The following PABPC4L variants were observed in gnomAD, a reference collection of about 807,000 sequenced individuals.
The protein encoded by PABPC4L is polyadenylate-binding protein 4-like.
For synonymous variants in PABPC4L, 169 were observed against 164.1 expected (o/e 1.03, Z -0.23); for missense variants, 452 against 451.4 (o/e 1.00, Z -0.01).
chr4:134,175,527 C>A, the PABPC4L span, among the ~76,000 whole-genome samples: 1 of 152,090 alleles, frequency 6.6e-6, no homozygotes, highest in Non-Finnish European at 1.5e-5. Flanking sequence ...CGGCTCACTG[C>A]AACCTCCGCC....
At chr4:134,085,462 C>G in the PABPC4L span, among the ~76,000 whole-genome samples, 1 of 151,942 alleles carries the variant, frequency 6.6e-6, no homozygotes, top group African/African-American at 2.4e-5. Flanking sequence ...CGCACTAACG[C>G]AAAGTCACAA....
chr4:134,058,245 A>G, the PABPC4L span, among the ~76,000 whole-genome samples: 1 of 152,080 alleles, frequency 6.6e-6, no homozygotes, highest in Admixed American at 6.6e-5. Context: ...ACTTAAATAA[A>G]TTGAGAAGAA....
the PABPC4L span, among the ~76,000 whole-genome samples, chr4:133,961,824 C>A: frequency 6.6e-6 from 1 of 152,162 alleles, no homozygotes; most frequent in South Asian, 2.1e-4. Context: ...TCCATTGCCG[C>A]TCCCAATCAG....
chr4:134,004,758 C>T, the PABPC4L span, among the ~76,000 whole-genome samples: 1 of 151,756 alleles, frequency 6.6e-6, no homozygotes, highest in Non-Finnish European at 1.5e-5. Context: ...GCTATATATA[C>T]ACAATAGAAT....
the PABPC4L span, among the ~76,000 whole-genome samples, chr4:134,074,795 C>T: frequency 6.6e-6 from 1 of 152,020 alleles, no homozygotes; most frequent in Non-Finnish European, 1.5e-5. Flanking sequence ...TGGAAAAGTC[C>T]CTCATAAAAC....
At chr4:134,098,971 T>C in the PABPC4L span, among the ~76,000 whole-genome samples, 1 of 151,588 alleles carries the variant, frequency 6.6e-6, no homozygotes, top group Non-Finnish European at 1.5e-5. Flanking sequence ...TATTGACTTA[T>C]TTCTAGGAAT....
the PABPC4L span, among the ~76,000 whole-genome samples, chr4:134,171,131 T>C: frequency 6.6e-6 from 1 of 152,154 alleles, no homozygotes; most frequent in Non-Finnish European, 1.5e-5. Flanking sequence ...TGGCCACTTG[T>C]ATGCACTCTT....
chr4:134,023,554 TTTA>T, the PABPC4L span, among the ~76,000 whole-genome samples: 1 of 152,082 alleles, frequency 6.6e-6, no homozygotes, highest in Non-Finnish European at 1.5e-5. Context: ...ATTAAAATTA[TTTA>T]TTATTTTTCA....
At chr4:133,966,603 T>C in the PABPC4L span, among the ~76,000 whole-genome samples, 1 of 152,188 alleles carries the variant, frequency 6.6e-6, no homozygotes, top group African/African-American at 2.4e-5. Context: ...GGTATATTTA[T>C]ATACAATGGA....
In PABPC4L at chr4:134,201,506, T is replaced by C. The variant is rs568656419; in HGVS notation, c.-227+212A>G. 1.2e-3 allele frequency among the ~76,000 whole-genome samples: 190 copies of C among 152,082 alleles called. 1 individual carries two copies. Among genetic ancestry groups the C allele is most frequent in the African/African-American group, 4.2e-3 (176 of 41,532 alleles). ...GTTCTGCCCGGCAGAGACCCGAACC[T>C]GCCAGGTACCGGGTTCTGCAGGCGC... On this transcript the variant is annotated intron_variant, in intron 1 of 1. Coordinates refer to ENST00000421491, the MANE Select transcript of PABPC4L (RefSeq NM_001114734.2).
the PABPC4L span, among the ~76,000 whole-genome samples, chr4:134,191,034 ATTC>A: frequency 6.6e-6 from 1 of 152,134 alleles, no homozygotes; most frequent in South Asian, 2.1e-4. Context: ...CTAGTTATAT[ATTC>A]TTCTTGATCC....
At chr4:134,016,828 T>C in the PABPC4L span, among the ~76,000 whole-genome samples, 2 of 152,080 alleles carry the variant, frequency 1.3e-5, no homozygotes, top group Non-Finnish European at 2.9e-5. Flanking sequence ...CTACTACCCC[T>C]CAGGGATTGT....
At chr4:134,108,558 A>C in the PABPC4L span, among the ~76,000 whole-genome samples, 1 of 151,886 alleles carries the variant, frequency 6.6e-6, no homozygotes, top group Non-Finnish European at 1.5e-5. Flanking sequence ...TATATTTAAT[A>C]ATTCCCTTCA....
At chr4:134,145,796 A>G in the PABPC4L span, among the ~76,000 whole-genome samples, 1 of 152,068 alleles carries the variant, frequency 6.6e-6, no homozygotes, top group African/African-American at 2.4e-5. Flanking sequence ...CACAGGCAAT[A>G]TAATTCTTGA....
chr4:134,033,695 T>A, the PABPC4L span, among the ~76,000 whole-genome samples: 1 of 151,906 alleles, frequency 6.6e-6, no homozygotes, highest in East Asian at 1.9e-4. Flanking sequence ...CAAATCGCAA[T>A]CTAGAGCAAA....
At chr4:134,194,739 A>G (rs1000601074), downstream of PABPC4L, among the ~76,000 whole-genome samples, 2 of 151,816 alleles carry the variant, frequency 1.3e-5, no homozygotes, top group Non-Finnish European at 3.0e-5. Flanking sequence ...TTAGTGAGGC[A>G]GGAACTATCC....
At chr4:133,983,619 A>G in the PABPC4L span, among the ~76,000 whole-genome samples, 6 of 151,924 alleles carry the variant, frequency 3.9e-5, no homozygotes. Context: ...CCTTACCAGA[A>G]AAAAAGAAAT....
chr4:134,042,282 G>A, the PABPC4L span, among the ~76,000 whole-genome samples: 1 of 152,034 alleles, frequency 6.6e-6, no homozygotes, highest in Admixed American at 6.6e-5. Context: ...ATGGACATTG[G>A]AGACTAGAAG....
the PABPC4L span, among the ~76,000 whole-genome samples, chr4:134,054,981 T>A: frequency 6.6e-6 from 1 of 152,066 alleles, no homozygotes; most frequent in Non-Finnish European, 1.5e-5. Flanking sequence ...CATTTTACAT[T>A]GTTGGCAGTG....
Sources: gnomAD v4.1 joint callset for allele counts (sites outside exome capture counted in the v4.1 genomes callset) on GRCh38, gnomAD v4.1.1 for gene constraint, MANE v1.5 for transcripts, NCBI Gene and HGNC (gene_info 2026-07-23, HGNC 2026-07-21) for gene names.